The following LIN37 variants were observed in gnomAD, a reference collection of about 807,000 sequenced individuals.
The protein encoded by LIN37 is lin-37 DREAM MuvB core complex component, also known as protein lin-37 homolog.
LIN37 carries 21 observed loss-of-function variants against 38.0 expected under a neutral mutation model. The ratio of observed to expected loss-of-function variants is 0.55; its 90% CI spans 0.39 to 0.80. LIN37 has a LOEUF of 0.80. LIN37 is among the 30% of genes least tolerant of loss of function. The probability of loss-of-function intolerance (pLI) is 0.00; values close to 1 mark genes in which losing one functional copy is unlikely to be tolerated. For missense variants in LIN37, 273 were observed against 338.5 expected (o/e 0.81, Z 1.52); for synonymous variants, 126 against 122.9 (o/e 1.03, Z -0.17).
chr19:35,749,203 C>A (rs912422232), intron 1 of LIN37, among the ~76,000 whole-genome samples: 3 of 152,060 alleles, frequency 2.0e-5, no homozygotes, highest in African/African-American at 7.2e-5. Context: ...GAGAAGTTCT[C>A]TTTTCTTGGC....
At chr19:35,751,877 A>C (rs58255615) in intron 1 of LIN37, 19,828 of 192,634 alleles carry the variant, frequency 0.1, 1,162 homozygotes, top group South Asian at 0.11. Context: ...TCTCTATACA[A>C]TTTTTTTGTA....
intron 1 of LIN37, among the ~76,000 whole-genome samples, chr19:35,750,634 G>GA (rs922716847): frequency 7.2e-5 from 11 of 151,816 alleles, no homozygotes; most frequent in Admixed American, 5.2e-4. Flanking sequence ...TCCCGAGGGG[G>GA]AAAAAAAAGC....
At chr19:35,749,639 C>CA (rs58819437) in intron 1 of LIN37, among the ~76,000 whole-genome samples, 39,784 of 122,752 alleles carry the variant, frequency 0.32, 6,786 homozygotes, top group African/African-American at 0.51. Context: ...ATAAAAAATA[C>CA]AAAAAAAAAA....
intron 6 of LIN37, 154 bp from the exon 7 acceptor site, chr19:35,753,863 G>A (rs1970714606): frequency 1.3e-6 from 1 of 797,156 alleles, no homozygotes; most frequent in African/African-American, 1.7e-5. Flanking sequence ...CTGGCTGGTT[G>A]AGGTGTCTGC....
chr19:35,751,152 C>G (rs1970677231), intron 1 of LIN37, among the ~76,000 whole-genome samples: 1 of 151,612 alleles, frequency 6.6e-6, no homozygotes, highest in African/African-American at 2.4e-5. Context: ...AAGACCCCAT[C>G]TCTACTAAAA....
chr19:35,754,258 G>A lies in LIN37; in HGVS notation c.598G>A (p.Glu200Lys), dbSNP rs777680623. 5.0e-6 allele frequency: 8 copies of A among 1,614,006 alleles called. No homozygotes were observed. The highest frequency in any genetic ancestry group is 1.7e-5 in the Admixed American group (1 of 60,026). The change falls in exon 8 of 9, where the codon GAG becomes AAG. Residue 200 changes from glutamate to lysine, a missense_variant. Transcript: ENST00000301159. ...GTPDDEPSEP[E>K]PSPSTLIYRN... ...TCTGTCCATGCAGCCCTCTGAGCCC[G>A]AGCCCTCACCCTCCACACTCATCTA...
rs778596187 is a variant in LIN37 at position 35,754,494 on chromosome 19, AC to A, written c.*22del. The stretch of plus-strand genomic sequence containing the variant: ...CAGTGATGTTCCCAGGTCCCCCCAC[AC>A]CAGTAAACATCCCCCAGCTCCACAC... On this transcript the variant is annotated 3_prime_UTR_variant, in exon 9 of 9. Coordinates refer to ENST00000301159, the MANE Select transcript of LIN37 (RefSeq NM_019104.3). 6.2e-7 allele frequency: 1 copy of A among 1,607,696 alleles called. No homozygotes were observed. The highest frequency in any genetic ancestry group is 8.5e-7 in the Non-Finnish European group (1 of 1,174,280).
intron 6 of LIN37, 157 bp from the exon 7 acceptor site, chr19:35,753,860 G>A (rs1286366323): frequency 6.4e-6 from 5 of 780,930 alleles, no homozygotes; most frequent in African/African-American, 3.5e-5. Context: ...CCGCTGGCTG[G>A]TTGAGGTGTC....
chr19:35,749,057 A>T, intron 1 of LIN37: 1 of 1,019,316 alleles, frequency 9.8e-7, no homozygotes, highest in Non-Finnish European at 1.2e-6. Flanking sequence ...TTTAATTTAA[A>T]TTTTTAAAAT....
intron 1 of LIN37, among the ~76,000 whole-genome samples, chr19:35,750,985 C>T (rs146801102): frequency 4.5e-4 from 67 of 149,010 alleles, no homozygotes; most frequent in African/African-American, 1.4e-3. Flanking sequence ...AAAGAAATCT[C>T]CCAATTTTTA....
chr19:35,753,866 G>C, intron 6 of LIN37, 151 bp from the exon 7 acceptor site: 1 of 821,150 alleles, frequency 1.2e-6, no homozygotes, highest in Non-Finnish European at 1.9e-6. Context: ...GCTGGTTGAG[G>C]TGTCTGCCCT....
chr19:35,752,851 C>G lies in LIN37; in HGVS notation c.191+18C>G, dbSNP rs750001591. 1 of 1,604,444 alleles carries G rather than the reference C, an allele frequency of 6.2e-7. No individual in the cohort carries two copies. The highest frequency in any genetic ancestry group is 1.1e-5 in the South Asian group (1 of 89,332). On this transcript the variant is annotated intron_variant, in intron 4 of 8. Transcript: ENST00000301159. The stretch of plus-strand genomic sequence containing the variant: ...GGCAAAAGGTAAGGTGGCAGGGTCC[C>G]AGCCAGCTGACTAGAGGCTCCCAGC...
intron 1 of LIN37, 91 bp downstream of exon 1, chr19:35,748,849 G>A (rs1197024191): frequency 6.2e-7 from 1 of 1,606,556 alleles, no homozygotes; most frequent in African/African-American, 1.3e-5. Flanking sequence ...AAAGGGGACT[G>A]CACGACTTTT....
rs1430783469 is a variant in LIN37, at chr19:35,754,392, G to C, written c.660-1G>C. 2 of 1,613,802 alleles carry C rather than the reference G, an allele frequency of 1.2e-6. No homozygotes were observed. The highest frequency in any genetic ancestry group is 3.3e-5 in the Admixed American group (2 of 60,002). On this transcript the variant is annotated splice_acceptor_variant, in intron 8 of 8. Transcript: ENST00000301159. LOFTEE classifies it high-confidence loss of function. The stretch of plus-strand genomic sequence containing the variant: ...GCTGAGTCTCCCCTCTGCCTCCCCA[G>C]GTGGAAGGAGGCCTCTCATCGGAAC...
chr19:35,748,591 C>A lies in LIN37; in HGVS notation c.-134C>A. On this transcript the variant is annotated 5_prime_UTR_variant, in exon 1 of 9. Coordinates refer to ENST00000301159, the MANE Select transcript of LIN37 (RefSeq NM_019104.3). ...GGTGGTGGCCACGGTCCAGGCTGGA[C>A]ACAACCAAAGGCGGAGGACCCGTGG... 2 of 1,253,434 alleles carry A rather than the reference C, an allele frequency of 1.6e-6. No homozygotes were observed. Among genetic ancestry groups the A allele is most frequent in the Non-Finnish European group, 2.3e-6 (2 of 856,364 alleles). 77.6% of individuals were successfully genotyped at this position (1,253,434 alleles called of 1,614,324 possible).
intron 1 of LIN37, 196 bp from the exon 2 acceptor site, chr19:35,751,980 A>G (rs1422917706): frequency 1.5e-5 from 8 of 539,058 alleles, no homozygotes; most frequent in African/African-American, 1.3e-4. Context: ...CAGAGCAATC[A>G]CGTGGGACAG....
chr19:35,753,409 G>C (rs1240630482), intron 6 of LIN37, 156 bp downstream of exon 6: 5 of 909,012 alleles, frequency 5.5e-6, no homozygotes, highest in Non-Finnish European at 8.6e-6. Context: ...GCACTCTTAG[G>C]TTGGGGTGTG....
intron 1 of LIN37, among the ~76,000 whole-genome samples, chr19:35,751,004 C>T (rs1970675376): frequency 6.6e-6 from 1 of 151,394 alleles, no homozygotes. Context: ...TAAATGTCAG[C>T]TCATTCAGAT....
intron 1 of LIN37, among the ~76,000 whole-genome samples, chr19:35,751,799 G>A (rs1443722214): frequency 6.6e-6 from 1 of 152,174 alleles, no homozygotes; most frequent in African/African-American, 2.4e-5. Flanking sequence ...CAGCACTTTG[G>A]GAAGCCGAGA....
Sources: allele counts gnomAD v4.1 joint callset (sites outside exome capture counted in the v4.1 genomes callset), GRCh38; gene constraint gnomAD v4.1.1; transcripts MANE v1.5; gene names NCBI Gene and HGNC (gene_info 2026-07-23, HGNC 2026-07-21).